The following DMRT1 variants were observed in gnomAD, a reference collection of about 807,000 sequenced individuals.
DMRT1 encodes doublesex and mab-3 related transcription factor 1, also known as doublesex- and mab-3-related transcription factor 1.
A neutral mutation model predicts 32.3 loss-of-function variants in DMRT1; 7 were observed. The ratio of observed to expected loss-of-function variants is 0.22; its 90% CI spans 0.12 to 0.41. The LOEUF (loss-of-function observed/expected upper bound fraction) is 0.41. Ranked by LOEUF, DMRT1 falls within the 10% of genes least tolerant of loss-of-function variation. The probability of loss-of-function intolerance (pLI) is 1.00; values close to 1 mark genes in which losing one functional copy is unlikely to be tolerated. For missense variants in DMRT1, 625 were observed against 500.5 expected (o/e 1.25, Z -2.37); for synonymous variants, 278 against 206.1 (o/e 1.35, Z -2.99).
chr9:870,447 T>G (rs558096741), intron 2 of DMRT1, among the ~76,000 whole-genome samples: 2 of 152,118 alleles, frequency 1.3e-5, no homozygotes, highest in East Asian at 3.9e-4. Flanking sequence ...GTCGCCATCC[T>G]GTGGCCTGTG....
chr9:856,370 T>C (rs1815401206), intron 2 of DMRT1, among the ~76,000 whole-genome samples: 1 of 152,210 alleles, frequency 6.6e-6, no homozygotes, highest in Non-Finnish European at 1.5e-5. Context: ...AATCTGGTTT[T>C]GGAACATTTC....
Position 910,885 on chromosome 9 carries a change from A to G in DMRT1, c.823-5878A>G, listed in dbSNP as rs542088399. ...TGGGTTTTTAGGGTTTACTTGGTTT[A>G]TTTATTTGCTTAGCTTGAAGGAATA... On this transcript the variant is annotated intron_variant, in intron 3 of 4. Transcript: ENST00000382276. 2.6e-5 allele frequency among the ~76,000 whole-genome samples: 4 copies of G among 152,190 alleles called. No homozygotes were observed. The South Asian group carries it at 8.3e-4, about 32-fold the overall frequency.
At chr9:890,195 C>A (rs1352887493) in intron 2 of DMRT1, among the ~76,000 whole-genome samples, 5 of 151,440 alleles carry the variant, frequency 3.3e-5, no homozygotes, top group Admixed American at 2.6e-4. Flanking sequence ...AGGCCGCCCG[C>A]CTCAGCCTCC....
At chr9:923,980 C>A (rs1020789609) in intron 4 of DMRT1, among the ~76,000 whole-genome samples, 2 of 152,010 alleles carry the variant, frequency 1.3e-5, no homozygotes, top group African/African-American at 4.8e-5. Context: ...GGCAACAAGG[C>A]CAGTGAATGG....
chr9:862,816 G>C (rs977433128), intron 2 of DMRT1, among the ~76,000 whole-genome samples: 2 of 152,142 alleles, frequency 1.3e-5, no homozygotes, highest in Non-Finnish European at 2.9e-5. Flanking sequence ...GGTTTTCCTA[G>C]TTAGGTGAGG....
At chr9:858,447 T>C (rs536665212) in intron 2 of DMRT1, among the ~76,000 whole-genome samples, 19 of 152,340 alleles carry the variant, frequency 1.2e-4, no homozygotes, top group Non-Finnish European at 2.4e-4. Context: ...TTGAGGATCC[T>C]GTCCTGTTGA....
In DMRT1 at chr9:927,344, G is replaced by A. The variant is rs186000038; in HGVS notation, c.967+10437G>A. On this transcript the variant is annotated intron_variant, in intron 4 of 4. Transcript: ENST00000382276. ...CATCCAGGTGCCGTGCCTGGGCGGT[G>A]AAGTGTTCTTCATAAAAACCAGCTC... Among the ~76,000 whole-genome samples, 17 of 152,382 alleles carry A rather than the reference G, an allele frequency of 1.1e-4. No individual in the cohort carries two copies. The East Asian group carries it at 3.3e-3, about 29-fold the overall frequency.
At chr9:843,270 C>A in intron 1 of DMRT1, among the ~76,000 whole-genome samples, 1 of 152,238 alleles carries the variant, frequency 6.6e-6, no homozygotes. Context: ...GTTTGTTTTT[C>A]TGGAAAAGTC....
intron 2 of DMRT1, among the ~76,000 whole-genome samples, chr9:849,431 G>C (rs780150469): frequency 1.3e-5 from 2 of 152,214 alleles, no homozygotes; most frequent in Non-Finnish European, 2.9e-5. Flanking sequence ...TACAGGGAAA[G>C]GCCAGTGACG....
intron 4 of DMRT1, among the ~76,000 whole-genome samples, chr9:966,693 C>A (rs1216142051): frequency 6.6e-6 from 1 of 152,200 alleles, no homozygotes; most frequent in African/African-American, 2.4e-5. Flanking sequence ...GTTCCACTAG[C>A]TGCAGCAAAC....
At chr9:924,433 T>A (rs530598639) in intron 4 of DMRT1, among the ~76,000 whole-genome samples, 1 of 152,296 alleles carries the variant, frequency 6.6e-6, no homozygotes, top group Admixed American at 6.5e-5. Flanking sequence ...AACACATGTA[T>A]CTATTTTTAT....
chr9:961,768 G>A (rs951269044), intron 4 of DMRT1, among the ~76,000 whole-genome samples: 4 of 152,158 alleles, frequency 2.6e-5, no homozygotes, highest in East Asian at 1.9e-4. Flanking sequence ...ATTCTGATGC[G>A]TTCAAAAGCA....
At chr9:876,097 C>A (rs1442275125) in intron 2 of DMRT1, among the ~76,000 whole-genome samples, 1 of 152,140 alleles carries the variant, frequency 6.6e-6, no homozygotes, top group African/African-American at 2.4e-5. Context: ...GAGCAGTTAG[C>A]CCTAGGGACA....
chr9:954,549 A>G (rs562689941), intron 4 of DMRT1, among the ~76,000 whole-genome samples: 1 of 152,078 alleles, frequency 6.6e-6, no homozygotes, highest in South Asian at 2.1e-4. Context: ...AAGATCCAAG[A>G]GATGAGGGAG....
chr9:896,952 A>G (rs931023684), intron 3 of DMRT1, among the ~76,000 whole-genome samples: 4 of 152,056 alleles, frequency 2.6e-5, no homozygotes, highest in African/African-American at 9.7e-5. Context: ...CATTAGGTTG[A>G]TAAAATTGAA....
At chr9:927,918 G>A (rs1452337814) in intron 4 of DMRT1, among the ~76,000 whole-genome samples, 1 of 152,192 alleles carries the variant, frequency 6.6e-6, no homozygotes, top group Non-Finnish European at 1.5e-5. Context: ...TGGAATGTCC[G>A]TTTGATAGGA....
At chr9:951,871 C>G (rs1184006041) in intron 4 of DMRT1, among the ~76,000 whole-genome samples, 1 of 152,100 alleles carries the variant, frequency 6.6e-6, no homozygotes, top group Non-Finnish European at 1.5e-5. Flanking sequence ...TTCAGGTAGT[C>G]CCTGGTGCCA....
chr9:955,856 T>C (rs1413204758), intron 4 of DMRT1, among the ~76,000 whole-genome samples: 1 of 152,236 alleles, frequency 6.6e-6, no homozygotes, highest in Non-Finnish European at 1.5e-5. Context: ...TGAAATGATG[T>C]TGTGGAAACC....
chr9:957,587 T>A (rs886614852), intron 4 of DMRT1, among the ~76,000 whole-genome samples: 6 of 152,166 alleles, frequency 3.9e-5, no homozygotes, highest in African/African-American at 9.7e-5. Context: ...TAAAATAACA[T>A]GTGCAACTTT....
Sources: gnomAD v4.1 joint callset for allele counts (sites outside exome capture counted in the v4.1 genomes callset) on GRCh38, gnomAD v4.1.1 for gene constraint, MANE v1.5 for transcripts, NCBI Gene and HGNC (gene_info 2026-07-23, HGNC 2026-07-21) for gene names.